The following KL variants were observed in gnomAD, a reference collection of about 807,000 sequenced individuals.
KL encodes klotho, also known as alpha-klotho.
In KL, 62 loss-of-function variants were observed where a neutral mutation model predicts 84.2. The ratio of observed to expected loss-of-function variants is 0.74; its 90% CI spans 0.60 to 0.91. KL has a LOEUF of 0.91. Among genes scored for constraint, KL ranks in the 40% least tolerant of loss-of-function variants. KL has a pLI of 0.00. For missense variants in KL, 1,261 were observed against 1,305.7 expected, an observed-to-expected ratio of 0.97 and a Z score of 0.53; for synonymous variants, 528 against 528.0, an observed-to-expected ratio of 1.00 and a Z score of 0.00.
At chr13:33,024,850 C>T (rs1427985449) in intron 1 of KL, among the ~76,000 whole-genome samples, 1 of 152,186 alleles carries the variant, frequency 6.6e-6, no homozygotes, top group East Asian at 1.9e-4. Flanking sequence ...TCACTCCCGA[C>T]TCAACTACAT....
chr13:33,034,078 G>A (rs1871075155), intron 1 of KL, among the ~76,000 whole-genome samples: 1 of 152,130 alleles, frequency 6.6e-6, no homozygotes, highest in Admixed American at 6.5e-5. Context: ...GGCTTATAGA[G>A]TGTTAATTAA....
Position 33,016,851 on chromosome 13 carries a change from G to T in KL, c.411G>T (p.Glu137Asp), listed in dbSNP as rs371170507. 6.2e-7 allele frequency: 1 copy of T among 1,612,868 alleles called. No homozygotes were observed. Among genetic ancestry groups the T allele is most frequent in the Non-Finnish European group, 8.5e-7 (1 of 1,179,818 alleles). ...DSYNNVFRDT[E>D]ALRELGVTHY... ...ACAACAACGTCTTCCGCGACACGGA[G>T]GCGCTGCGCGAGCTCGGGGTCACTC... The change falls in exon 1 of 5, where the codon GAG (glutamate) becomes GAT (aspartate). Residue 137 changes from glutamate (E) to aspartate (D), a missense_variant. Physicochemically the swap from Glu to Asp is conservative, Grantham distance 45 (BLOSUM62 2). Transcript: ENST00000380099.
rs760226741 is a variant in KL, at chr13:33,054,124, A to G, written c.1177A>G (p.Asn393Asp). Reference protein sequence around the residue: ...HMKFRQLESPNLRQLLSWIDL... With the variant: ...HMKFRQLESPDLRQLLSWIDL... ...GAAGTTCCGCCAATTGGAATCTCCC[A>G]ACCTGAGGCAACTGCTTTCCTGGAT... Residue 393 changes from asparagine (N) to aspartate (D), a missense_variant, in exon 2 of 5, where the codon AAC (asparagine) becomes GAC (aspartate). Asn to Asp is a conservative substitution (Grantham distance 23, BLOSUM62 1). Coordinates refer to ENST00000380099, the MANE Select transcript of KL (RefSeq NM_004795.4). 2.5e-6 allele frequency: 4 copies of G among 1,614,126 alleles called. No individual in the cohort carries two copies. Among genetic ancestry groups the G allele is most frequent in the Admixed American group, 3.3e-5 (2 of 60,018 alleles).
At chr13:33,044,887 T>G (rs1372218882) in intron 1 of KL, among the ~76,000 whole-genome samples, 1 of 152,152 alleles carries the variant, frequency 6.6e-6, no homozygotes, top group Non-Finnish European at 1.5e-5. Flanking sequence ...TTTTAATAGT[T>G]TTTCTGTTTT....
chr13:33,022,370 T>C (rs1593788765), intron 1 of KL, among the ~76,000 whole-genome samples: 1 of 152,338 alleles, frequency 6.6e-6, no homozygotes, highest in East Asian at 1.9e-4. Context: ...TTTCAATGAA[T>C]GTTGTCTTTT....
At chr13:33,054,675 TA>T (rs1871885355) in intron 2 of KL, among the ~76,000 whole-genome samples, 1 of 152,242 alleles carries the variant, frequency 6.6e-6, no homozygotes, top group East Asian at 1.9e-4. Context: ...GAAAATAGTA[TA>T]AATAGATCAT....
chr13:33,037,882 G>A (rs1304605167), intron 1 of KL, among the ~76,000 whole-genome samples: 1 of 151,858 alleles, frequency 6.6e-6, no homozygotes. Flanking sequence ...GCCCAACCCA[G>A]CTCACGAATA....
At chr13:33,056,342 A>G (rs1044536102) in intron 3 of KL, among the ~76,000 whole-genome samples, 1 of 152,218 alleles carries the variant, frequency 6.6e-6, no homozygotes, top group Non-Finnish European at 1.5e-5. Flanking sequence ...ACTTGGAAGA[A>G]TGTGAAATGG....
chr13:33,054,688 C>A (rs532952061), intron 2 of KL, among the ~76,000 whole-genome samples: 1 of 152,224 alleles, frequency 6.6e-6, no homozygotes, highest in Admixed American at 6.5e-5. Flanking sequence ...ATAGATCATG[C>A]TTTTAAAGCC....
chr13:33,038,674 A>T (rs537527288), intron 1 of KL, among the ~76,000 whole-genome samples: 1 of 152,196 alleles, frequency 6.6e-6, no homozygotes, highest in Non-Finnish European at 1.5e-5. Flanking sequence ...TTTCTAACAA[A>T]TTTTTTCAGA....
At chr13:33,033,275 G>A (rs1271273970) in intron 1 of KL, among the ~76,000 whole-genome samples, 1 of 152,146 alleles carries the variant, frequency 6.6e-6, no homozygotes, top group Non-Finnish European at 1.5e-5. Context: ...ACGGGAGATG[G>A]GAGAGTGAAA....
At chr13:33,023,006 C>T (rs573405752) in intron 1 of KL, among the ~76,000 whole-genome samples, 16 of 152,238 alleles carry the variant, frequency 1.1e-4, no homozygotes, top group African/African-American at 3.9e-4. Context: ...TTGTTGATTT[C>T]CAGAGCACAT....
At chr13:33,034,465 G>T (rs1871086684) in intron 1 of KL, among the ~76,000 whole-genome samples, 1 of 151,966 alleles carries the variant, frequency 6.6e-6, no homozygotes, top group Non-Finnish European at 1.5e-5. Flanking sequence ...ATTTTGTTCT[G>T]TAGAGATGTA....
At chr13:33,028,164 C>T (rs1870845293) in intron 1 of KL, among the ~76,000 whole-genome samples, 1 of 152,124 alleles carries the variant, frequency 6.6e-6, no homozygotes, top group Non-Finnish European at 1.5e-5. Context: ...TGGGAGTAGC[C>T]GATGAGAATC....
In KL at chr13:33,054,056, G is replaced by A; in HGVS notation, c.1109G>A (p.Cys370Tyr). The change falls in exon 2 of 5, where the codon TGC becomes TAC. Residue 370 changes from cysteine to tyrosine, a missense_variant. Coordinates refer to ENST00000380099, the MANE Select transcript of KL (RefSeq NM_004795.4). ...IKGTADFFAL[C>Y]FGPTLSFQLL... The stretch of plus-strand genomic sequence containing the variant: ...GGAACTGCTGACTTTTTTGCTCTTT[G>A]CTTTGGACCCACCTTGAGTTTTCAA... 1 of 1,613,162 alleles carries A rather than the reference G, an allele frequency of 6.2e-7. No individual in the cohort carries two copies.
Position 33,016,766 on chromosome 13 carries a change from T to G in KL, c.326T>G (p.Leu109Arg), listed in dbSNP as rs35239775. Residue 109 changes from leucine (L) to arginine (R), a missense_variant, in exon 1 of 5, where the codon CTG becomes CGG. Transcript: ENST00000380099. ...APPGDSRNASLPLGAPSPLQP... is the reference protein window; with the variant it reads ...APPGDSRNASRPLGAPSPLQP... ...CCGGGAGACTCCCGGAACGCCAGTCTGCCGTTGGGCGCCCCGTCGCCGCTG... is the reference window on the plus strand; with the variant it reads ...CCGGGAGACTCCCGGAACGCCAGTCGGCCGTTGGGCGCCCCGTCGCCGCTG... The G allele has an allele frequency of 0.012, 19,141 of 1,611,698 alleles. 149 individuals carry two copies. Among genetic ancestry groups the G allele is most frequent in the South Asian group, 0.024 (2,174 of 90,950 alleles).
intron 1 of KL, among the ~76,000 whole-genome samples, chr13:33,020,147 G>A (rs774420478): frequency 2.8e-4 from 42 of 152,270 alleles, no homozygotes; most frequent in African/African-American, 7.9e-4. Context: ...CTTCTTTCAC[G>A]TAAGGAAGTA....
At position 33,065,035 on chromosome 13, in the gene KL, A is replaced by G. The variant is rs1358747463; in HGVS notation, c.*849A>G. 4.4e-6 allele frequency: 1 copy of G among 228,850 alleles called. No homozygotes were observed. Among genetic ancestry groups the G allele is most frequent in the African/African-American group, 2.2e-5 (1 of 45,098 alleles). The allele number at this position is 228,850 out of a possible 1,614,324, so 14.2% of individuals were successfully genotyped here. Reference sequence around the variant, plus strand: ...TGGAGGAAAGGAGGAAAAAGTGCTTATTATGTGCAACATTATGATTAATCT... The same window carrying G: ...TGGAGGAAAGGAGGAAAAAGTGCTTGTTATGTGCAACATTATGATTAATCT... On this transcript the variant is annotated 3_prime_UTR_variant, in exon 5 of 5. Transcript: ENST00000380099.
At chr13:33,052,113 T>C (rs967686123) in intron 1 of KL, among the ~76,000 whole-genome samples, 1 of 152,170 alleles carries the variant, frequency 6.6e-6, no homozygotes, top group Non-Finnish European at 1.5e-5. Context: ...CACAGCACCA[T>C]GACTGGTTAA....
Sources: allele counts gnomAD v4.1 joint callset (sites outside exome capture counted in the v4.1 genomes callset), GRCh38; gene constraint gnomAD v4.1.1; transcripts MANE v1.5; gene names NCBI Gene and HGNC (gene_info 2026-07-23, HGNC 2026-07-21).